Variants in RUBCN observed in about 807,000 individuals in gnomAD.
The protein encoded by RUBCN is run domain Beclin-1-interacting and cysteine-rich domain-containing protein.
Under a neutral mutation model 113.2 loss-of-function variants are expected in RUBCN, and 74 were observed. That is an observed-to-expected ratio of 0.65 (90% CI 0.54 to 0.79). The LOEUF (loss-of-function observed/expected upper bound fraction) is 0.79. RUBCN is among the 30% of genes least tolerant of loss of function. The probability of loss-of-function intolerance (pLI) is 0.00; values close to 1 mark genes in which losing one functional copy is unlikely to be tolerated. For missense variants in RUBCN, 1,109 were observed against 1,251.7 expected, an observed-to-expected ratio of 0.89 and a Z score of 1.72; for synonymous variants, 480 against 490.0, an observed-to-expected ratio of 0.98 and a Z score of 0.27.
chr3:197,732,543 G>A (rs2109004390), intron 1 of RUBCN, among the ~76,000 whole-genome samples: 1 of 152,332 alleles, frequency 6.6e-6, no homozygotes, highest in East Asian at 1.9e-4. Context: ...TCGATCTCCT[G>A]ACCTCGTGAT....
At chr3:197,689,592 A>C (rs1389334258) in intron 11 of RUBCN, among the ~76,000 whole-genome samples, 2 of 152,210 alleles carry the variant, frequency 1.3e-5, no homozygotes, top group Non-Finnish European at 2.9e-5. Flanking sequence ...CTCCTCAGGC[A>C]GGGAAGACTC....
At chr3:197,727,486 G>A (rs1318066602) in intron 1 of RUBCN, among the ~76,000 whole-genome samples, 2 of 152,184 alleles carry the variant, frequency 1.3e-5, no homozygotes, top group Non-Finnish European at 2.9e-5. Context: ...TACCCATTCT[G>A]CTTAAAAAGA....
intron 8 of RUBCN, among the ~76,000 whole-genome samples, chr3:197,696,398 G>T (rs554857447): frequency 6.7e-6 from 1 of 149,724 alleles, no homozygotes; most frequent in South Asian, 2.1e-4. Context: ...AAACAAAAAA[G>T]AATTTCTTGG....
Position 197,675,049 on chromosome 3 carries a change from G to A in RUBCN, c.2888C>T (p.Ala963Val), listed in dbSNP as rs1720194721. 8 of 1,612,814 alleles carry A rather than the reference G, an allele frequency of 5.0e-6. No homozygotes were observed. Among genetic ancestry groups the A allele is most frequent in the East Asian group, 2.2e-5 (1 of 44,904 alleles). Reference sequence around the variant, plus strand: ...GGCCTCCAGGACGGCGGCTTCCAGGGCCAGCGCTTCCGCGGGCTCCTCCTC... The same window carrying A: ...GGCCTCCAGGACGGCGGCTTCCAGGACCAGCGCTTCCGCGGGCTCCTCCTC... The part of the protein sequence containing the change: ...DYEEEPAEAL[A>V]LEAAVLEAT Residue 963 changes from alanine (A) to valine (V), a missense_variant, in exon 20 of 20, where the codon GCC (alanine) becomes GTC (valine). Physicochemically the swap from Ala to Val is moderately conservative, Grantham distance 64 (BLOSUM62 0). Transcript: ENST00000296343. The surrounding 1 kb of genome is among the most constrained non-coding windows in gnomAD (Gnocchi z 4.4).
In RUBCN at chr3:197,674,736, GACAGAGGC is replaced by G. The variant is rs1720140071; in HGVS notation, c.*274_*281del. 1 of 487,184 alleles carries G rather than the reference GACAGAGGC, an allele frequency of 2.1e-6. No individual in the cohort carries two copies. Among genetic ancestry groups the G allele is most frequent in the African/African-American group, 2.0e-5 (1 of 49,868 alleles). 30.2% of individuals were successfully genotyped at this position (487,184 alleles called of 1,614,324 possible). ...ACTTGGTCTTGCTGTCTCTTCCACTGACAGAGGCACTAGAAGCTTCACTGAAGGACCCG... is the reference window on the plus strand; with the variant it reads ...ACTTGGTCTTGCTGTCTCTTCCACTGACTAGAAGCTTCACTGAAGGACCCG... On this transcript the variant is annotated 3_prime_UTR_variant, in exon 20 of 20. Transcript: ENST00000296343.
chr3:197,725,795 GAAA>G (rs1231084083), intron 1 of RUBCN, among the ~76,000 whole-genome samples: 1 of 152,126 alleles, frequency 6.6e-6, no homozygotes, highest in Non-Finnish European at 1.5e-5. Flanking sequence ...ACATACGGAT[GAAA>G]AATCCCTTAT....
At chr3:197,690,719 G>A (rs1355322099) in intron 11 of RUBCN, among the ~76,000 whole-genome samples, 3 of 152,196 alleles carry the variant, frequency 2.0e-5, no homozygotes, top group Admixed American at 2.0e-4. Context: ...TGTGTGGCAG[G>A]AGCTTAGGTA....
chr3:197,710,088 T>C (rs953371980), intron 2 of RUBCN, among the ~76,000 whole-genome samples: 3 of 151,566 alleles, frequency 2.0e-5, no homozygotes, highest in Non-Finnish European at 4.4e-5. Flanking sequence ...GAGAATTGCT[T>C]GAACCCAGGA....
chr3:197,675,000 G>A lies in RUBCN; in HGVS notation c.*18C>T. ...ACAGGTGTGACCCGGCCCGGAGGGA[G>A]GGCTGCACGTGCTTTCTTCAGGTGG... On this transcript the variant is annotated 3_prime_UTR_variant, in exon 20 of 20. Coordinates refer to ENST00000296343, the MANE Select transcript of RUBCN (RefSeq NM_014687.4). The A allele has an allele frequency of 6.2e-7, 1 of 1,609,358 alleles. No individual in the cohort carries two copies. Among genetic ancestry groups the A allele is most frequent in the African/African-American group, 1.3e-5 (1 of 74,964 alleles).
At chr3:197,699,066 A>T (rs2108897969) in intron 7 of RUBCN, 2 of 739,816 alleles carry the variant, frequency 2.7e-6, no homozygotes, top group South Asian at 3.0e-5. Flanking sequence ...AGACAGTTCC[A>T]AGCATCACAA....
intron 1 of RUBCN, among the ~76,000 whole-genome samples, chr3:197,736,132 G>A (rs983458865): frequency 3.3e-5 from 5 of 151,886 alleles, no homozygotes; most frequent in African/African-American, 9.7e-5. Flanking sequence ...CATGACACTC[G>A]CTCACTTTCT....
chr3:197,727,664 T>C (rs1197586266), intron 1 of RUBCN, among the ~76,000 whole-genome samples: 1 of 152,144 alleles, frequency 6.6e-6, no homozygotes, highest in Admixed American at 6.5e-5. Context: ...CTCACTGAAG[T>C]AGGAAAGCTA....
intron 7 of RUBCN, among the ~76,000 whole-genome samples, chr3:197,698,198 A>T (rs1723224261): frequency 6.6e-6 from 1 of 151,830 alleles, no homozygotes; most frequent in South Asian, 2.1e-4. Context: ...TACACTCGTT[A>T]TCTGCCTTCT....
chr3:197,684,345 G>A (rs1721600296), intron 11 of RUBCN, 128 bp from the exon 12 acceptor site: 1 of 782,618 alleles, frequency 1.3e-6, no homozygotes, highest in Non-Finnish European at 2.3e-6. Flanking sequence ...CTATGCAGGA[G>A]AAAGGAGCAG....
Position 197,736,096 on chromosome 3 carries a change from T to C in RUBCN, c.65+559A>G, listed in dbSNP as rs1198852841. The stretch of plus-strand genomic sequence containing the variant: ...CAAAGTGCAGAGTTTCTGGTCTCAT[T>C]AGCAGTCCCCGCCCCACCGCACTGC... On this transcript the variant is annotated intron_variant, in intron 1 of 19. Transcript: ENST00000296343. 2.6e-5 allele frequency among the ~76,000 whole-genome samples: 4 copies of C among 152,124 alleles called. No homozygotes were observed. The South Asian group carries it at 8.3e-4, about 31-fold the overall frequency.
In RUBCN at chr3:197,693,602, C is replaced by G. The variant is rs922170786; in HGVS notation, c.1786+113G>C. On this transcript the variant is annotated intron_variant, in intron 11 of 19. Coordinates refer to ENST00000296343, the MANE Select transcript of RUBCN (RefSeq NM_014687.4). ...AGCAGAAGGCTGTCCCTTACAATAGCTAACAACAATCCATAATGAAGATCT... is the reference window on the plus strand; with the variant it reads ...AGCAGAAGGCTGTCCCTTACAATAGGTAACAACAATCCATAATGAAGATCT... The G allele has an allele frequency of 1.4e-5, 11 of 785,072 alleles. No homozygotes were observed. In the African/African-American group the frequency reaches 1.9e-4, roughly 13 times the overall value. The allele number at this position is 785,072 out of a possible 1,614,324, so 48.6% of individuals were successfully genotyped here. A position where few individuals can be genotyped will look rare whatever the true frequency, so the allele number is the denominator to read the frequency against.
intron 1 of RUBCN, among the ~76,000 whole-genome samples, chr3:197,746,408 G>T (rs759003206): frequency 1.6e-4 from 25 of 152,254 alleles, no homozygotes; most frequent in Admixed American, 5.9e-4. Context: ...AATCATTCCA[G>T]ATCACTTACA....
chr3:197,684,066 G>C, intron 12 of RUBCN, 91 bp downstream of exon 12: 1 of 1,011,440 alleles, frequency 9.9e-7, no homozygotes, highest in Admixed American at 1.7e-5. Context: ...CATCTGGATG[G>C]CTTTGCCCAG....
chr3:197,742,170 T>C (rs1728552215), intron 1 of RUBCN, among the ~76,000 whole-genome samples: 2 of 152,100 alleles, frequency 1.3e-5, no homozygotes, highest in Non-Finnish European at 2.9e-5. Flanking sequence ...AAATGTGCAA[T>C]TTTTAATGTT....
Sources: gnomAD v4.1 joint callset for allele counts (sites outside exome capture counted in the v4.1 genomes callset) on GRCh38, gnomAD v4.1.1 for gene constraint, Gnocchi (gnomAD v3.1) non-coding constraint, MANE v1.5 for transcripts, NCBI Gene and HGNC (gene_info 2026-07-23, HGNC 2026-07-21) for gene names.